CELF2: variants seen among roughly 807,000 people sequenced by gnomAD.
CELF2 encodes the protein CUGBP Elav-like family member 2.
Under a neutral mutation model 62.6 loss-of-function variants are expected in CELF2, and 8 were observed. That is an observed-to-expected ratio of 0.13 (90% CI 0.07 to 0.23). The LOEUF is 0.23. Among genes scored for constraint, CELF2 ranks in the 10% least tolerant of loss-of-function variants. The pLI, the probability that CELF2 is intolerant of heterozygous loss-of-function variation, is 1.00. For synonymous variants in CELF2, 258 were observed against 250.0 expected, an observed-to-expected ratio of 1.03 and a Z score of -0.30; for missense variants, 333 against 671.0, an observed-to-expected ratio of 0.50 and a Z score of 5.56.
At chr10:10,790,280 T>C in the CELF2 span, among the ~76,000 whole-genome samples, 1 of 152,152 alleles carries the variant, frequency 6.6e-6, no homozygotes, top group African/African-American at 2.4e-5. Flanking sequence ...TGTTAACGTT[T>C]GTGCTAACAG....
chr10:10,599,699 T>C, the CELF2 span, among the ~76,000 whole-genome samples: 4 of 151,990 alleles, frequency 2.6e-5, no homozygotes, highest in Non-Finnish European at 5.9e-5. Context: ...GTCTTTATTG[T>C]TTCGTCTCTG....
At chr10:11,070,404 G>C (rs1203090047) in intron 1 of CELF2, among the ~76,000 whole-genome samples, 1 of 152,150 alleles carries the variant, frequency 6.6e-6, no homozygotes, top group Admixed American at 6.5e-5. Flanking sequence ...CTAAGAACAA[G>C]GGAAGCCATC....
At chr10:11,053,128 A>G (rs1039883009) in intron 1 of CELF2, among the ~76,000 whole-genome samples, 4 of 152,202 alleles carry the variant, frequency 2.6e-5, no homozygotes, top group African/African-American at 4.8e-5. Context: ...GAAGAATCCA[A>G]TTCATCTATG....
rs556102470 is a variant in CELF2, at chr10:10,802,037, A to G, written c.53+3220A>G. On this transcript the variant is annotated intron_variant, in intron 1 of 13. Coordinates refer to the CELF2 transcript ENST00000636488. ...CTAATTTTCACCAAAAGACATGCCA[A>G]TAATTTTCAACATTCTCCCATTTGA... Among the ~76,000 whole-genome samples, 6 of 152,348 alleles carry G rather than the reference A, an allele frequency of 3.9e-5. No individual in the cohort carries two copies. In the East Asian group the frequency reaches 1.2e-3, roughly 29 times the overall value.
At position 11,224,603 on chromosome 10, in the gene CELF2, T is replaced by C. The variant is rs773660611; in HGVS notation, c.354+7096T>C. Among the ~76,000 whole-genome samples the C allele has an allele frequency of 6.6e-6, 1 of 152,192 alleles. No homozygotes were observed. The highest frequency in any genetic ancestry group is 6.5e-5 in the Admixed American group (1 of 15,284). ...GAGGTGAGCCATGATAATCAAATGA[T>C]GAAAGGAGAAGTTTGATATACACCT... On this transcript the variant is annotated intron_variant, in intron 3 of 12. Coordinates refer to ENST00000633077, the MANE Select transcript of CELF2 (RefSeq NM_001326342.2). This position sits in a 1 kb window ranked among gnomAD's most constrained non-coding sequence, Gnocchi z 4.5.
At chr10:11,233,247 C>G (rs2069558744) in intron 3 of CELF2, among the ~76,000 whole-genome samples, 1 of 152,146 alleles carries the variant, frequency 6.6e-6, no homozygotes, top group African/African-American at 2.4e-5. Flanking sequence ...GAAAAAGACA[C>G]CTTACGCCAT....
chr10:10,584,910 A>G, the CELF2 span, among the ~76,000 whole-genome samples: 1 of 152,164 alleles, frequency 6.6e-6, no homozygotes, highest in East Asian at 1.9e-4. Context: ...TACGATGTTG[A>G]ACCAGGGCAG....
intron 9 of CELF2, among the ~76,000 whole-genome samples, chr10:11,298,926 A>AATGATATTTTTCTCTG (rs1165245601): frequency 2.0e-5 from 3 of 152,134 alleles, no homozygotes; most frequent in Non-Finnish European, 4.4e-5. Context: ...AATAAGGTCC[A>AATGATATTTTTCTCTG]ATGATATTTT....
the CELF2 span, among the ~76,000 whole-genome samples, chr10:10,780,801 G>A: frequency 1.3e-5 from 2 of 152,196 alleles, no homozygotes; most frequent in African/African-American, 4.8e-5. Context: ...CTTAAGCCAA[G>A]GGGCTTATAT....
chr10:10,562,923 G>T, the CELF2 span, among the ~76,000 whole-genome samples: 1 of 137,910 alleles, frequency 7.3e-6, no homozygotes. Flanking sequence ...GAAGTCTAAG[G>T]CATTTTTTTT....
At chr10:10,791,498 T>C in the CELF2 span, among the ~76,000 whole-genome samples, 12 of 151,574 alleles carry the variant, frequency 7.9e-5, no homozygotes, top group African/African-American at 2.7e-4. Flanking sequence ...TTAGAAATGT[T>C]TGGCATCAGG....
chr10:10,771,958 T>G, the CELF2 span, among the ~76,000 whole-genome samples: 1 of 152,196 alleles, frequency 6.6e-6, no homozygotes, highest in Non-Finnish European at 1.5e-5. Context: ...AAGTTTTTCC[T>G]AAGTACATCA....
the CELF2 span, among the ~76,000 whole-genome samples, chr10:10,501,941 C>T: frequency 6.6e-6 from 1 of 151,978 alleles, no homozygotes; most frequent in Non-Finnish European, 1.5e-5. Context: ...AGAAGTTGCC[C>T]CCTATTCCTG....
At chr10:11,037,025 A>G (rs1039818559) in intron 1 of CELF2, among the ~76,000 whole-genome samples, 1 of 152,022 alleles carries the variant, frequency 6.6e-6, no homozygotes, top group African/African-American at 2.4e-5. Context: ...TTCCCTTTTT[A>G]GAGAGCTTCT....
intron 1 of CELF2, among the ~76,000 whole-genome samples, chr10:10,876,800 T>C (rs2061126263): frequency 6.6e-6 from 1 of 152,258 alleles, no homozygotes; most frequent in Non-Finnish European, 1.5e-5. Context: ...ATAAGAGTGA[T>C]ATTTCAGATA....
chr10:11,210,954 A>G (rs1273672985), intron 2 of CELF2, among the ~76,000 whole-genome samples: 2 of 152,236 alleles, frequency 1.3e-5, no homozygotes, highest in Non-Finnish European at 2.9e-5. Flanking sequence ...TAAAATCCCA[A>G]TTTTTAAAAA....
chr10:10,739,127 C>T, the CELF2 span, among the ~76,000 whole-genome samples: 1 of 151,754 alleles, frequency 6.6e-6, no homozygotes, highest in East Asian at 1.9e-4. Flanking sequence ...AAAAAATCAC[C>T]AAATAGAATC....
At chr10:11,119,257 G>C (rs1229755845) in intron 1 of CELF2, among the ~76,000 whole-genome samples, 1 of 152,164 alleles carries the variant, frequency 6.6e-6, no homozygotes, top group Non-Finnish European at 1.5e-5. Flanking sequence ...TGATAAAATA[G>C]AGCAATAAAT....
intron 1 of CELF2, among the ~76,000 whole-genome samples, chr10:11,047,672 T>A (rs2063108341): frequency 1.3e-5 from 2 of 152,266 alleles, no homozygotes; most frequent in East Asian, 1.9e-4. Flanking sequence ...AAGCAAAAAA[T>A]TTATTTTTAG....
Sources: allele counts gnomAD v4.1 joint callset (sites outside exome capture counted in the v4.1 genomes callset), GRCh38; gene constraint gnomAD v4.1.1; non-coding constraint Gnocchi (gnomAD v3.1); transcripts MANE v1.5; gene names NCBI Gene and HGNC (gene_info 2026-07-23, HGNC 2026-07-21).